GNA13: variants seen among roughly 807,000 people sequenced by gnomAD.
The protein encoded by GNA13 is guanine nucleotide-binding protein subunit alpha-13.
Under a neutral mutation model 33.5 loss-of-function variants are expected in GNA13, and 4 were observed. The observed-to-expected ratio is 0.12, with a 90% CI of 0.06 to 0.27. The LOEUF is 0.27. Among genes scored for constraint, GNA13 ranks in the 10% least tolerant of loss-of-function variants. The pLI, the probability that GNA13 is intolerant of heterozygous loss-of-function variation, is 1.00. For missense variants in GNA13, 319 were observed against 487.2 expected (o/e 0.65, Z 3.25); for synonymous variants, 176 against 183.8 (o/e 0.96, Z 0.34).
At chr17:65,043,899 A>G (rs905545976) in intron 2 of GNA13, among the ~76,000 whole-genome samples, 1 of 152,138 alleles carries the variant, frequency 6.6e-6, no homozygotes, top group African/African-American at 2.4e-5. Flanking sequence ...AGATGGGAGA[A>G]TCATTTGAGG....
intron 2 of GNA13, among the ~76,000 whole-genome samples, chr17:65,042,989 A>G (rs1206714158): frequency 1.3e-5 from 2 of 152,162 alleles, no homozygotes; most frequent in African/African-American, 4.8e-5. Context: ...TGGTTAATAC[A>G]AGTCAGGTAC....
Position 65,056,330 on chromosome 17 carries a change from G to C in GNA13, c.264C>G (p.Ile88Met), listed in dbSNP as rs1184024197. The change falls in exon 1 of 4, where the codon ATC becomes ATG. Residue 88 changes from isoleucine to methionine, a missense_variant. Transcript: ENST00000439174. ...QRAREEFRPT[I>M]YSNVIKGMRV... is the part of the protein sequence containing the mutation. Reference sequence around the variant, plus strand: ...CGGCACCTTTGATCACGTTGCTGTAGATGGTGGGGCGGAACTCCTCGCGCG... The same window carrying C: ...CGGCACCTTTGATCACGTTGCTGTACATGGTGGGGCGGAACTCCTCGCGCG... 6.2e-7 allele frequency: 1 copy of C among 1,607,346 alleles called. No individual in the cohort carries two copies. Among genetic ancestry groups the C allele is most frequent in the East Asian group, 2.2e-5 (1 of 44,654 alleles).
intron 3 of GNA13, 134 bp downstream of exon 3, chr17:65,018,119 A>AC (rs1906442465): frequency 5.1e-6 from 1 of 195,488 alleles, no homozygotes; most frequent in African/African-American, 3.1e-5. Context: ...AAAAAAAAAA[A>AC]AAAAAAAAAA....
chr17:65,044,148 T>C lies in GNA13; in HGVS notation c.510+9354A>G, dbSNP rs141443847. On this transcript the variant is annotated intron_variant, in intron 2 of 3. Transcript: ENST00000439174. ...CTCAAAAAGTAAAAAAAAGAAAAAA[T>C]ACTTTCAGTTCATTTTGCCAAAGGA... is the stretch of plus-strand genomic sequence containing the variant. 2.0e-5 allele frequency among the ~76,000 whole-genome samples: 3 copies of C among 152,192 alleles called. No individual in the cohort carries two copies. In the East Asian group the frequency reaches 5.8e-4, roughly 29 times the overall value.
At chr17:65,037,778 G>GTAAAAAA (rs1491396786) in intron 2 of GNA13, among the ~76,000 whole-genome samples, 2 of 99,160 alleles carry the variant, frequency 2.0e-5, no homozygotes, top group African/African-American at 3.9e-5. Flanking sequence ...TACAAAAATG[G>GTAAAAAA]AAAAAAAAAA....
chr17:65,041,312 GGA>G (rs1310727308), intron 2 of GNA13, among the ~76,000 whole-genome samples: 1 of 152,034 alleles, frequency 6.6e-6, no homozygotes, highest in Non-Finnish European at 1.5e-5. Flanking sequence ...TGTTTTTTGG[GGA>G]GAGTGAGGTG....
chr17:65,023,827 G>A (rs978804490), intron 2 of GNA13, among the ~76,000 whole-genome samples: 2 of 152,100 alleles, frequency 1.3e-5, no homozygotes, highest in African/African-American at 4.8e-5. Context: ...ATTTAACTAC[G>A]CAAATGAAGA....
chr17:65,019,740 G>A (rs1906516431), intron 2 of GNA13, among the ~76,000 whole-genome samples: 1 of 152,152 alleles, frequency 6.6e-6, no homozygotes, highest in Non-Finnish European at 1.5e-5. Context: ...TAAAGTGAAT[G>A]AATATGGACC....
chr17:65,018,128 A>AGAGAGAGAG, intron 3 of GNA13, 125 bp downstream of exon 3: 1 of 223,826 alleles, frequency 4.5e-6, no homozygotes, highest in Non-Finnish European at 8.8e-6. Context: ...AAAAAAAAAA[A>AGAGAGAGAG]AAAAAAAAAA....
chr17:65,012,655 C>T lies in GNA13; in HGVS notation c.*1602G>A, dbSNP rs912800116. Reference sequence around the variant, plus strand: ...TTAGTTCACTGAAAAGCCCCACTCTCGTATCAGACAGCAAGACAGAACAAC... The same window carrying T: ...TTAGTTCACTGAAAAGCCCCACTCTTGTATCAGACAGCAAGACAGAACAAC... On this transcript the variant is annotated 3_prime_UTR_variant, in exon 4 of 4. Transcript: ENST00000439174. 1.3e-5 allele frequency: 3 copies of T among 229,840 alleles called. No individual in the cohort carries two copies. The highest frequency in any genetic ancestry group is 2.2e-5 in the African/African-American group (1 of 44,952). 14.2% of individuals were successfully genotyped at this position (229,840 alleles called of 1,614,324 possible).
intron 3 of GNA13, among the ~76,000 whole-genome samples, chr17:65,017,975 A>G (rs1906431146): frequency 6.6e-6 from 1 of 151,962 alleles, no homozygotes; most frequent in Admixed American, 6.6e-5. Context: ...AGGGAGAAAA[A>G]AGAAGTGTCG....
chr17:65,019,032 T>C (rs984618427), intron 2 of GNA13, among the ~76,000 whole-genome samples: 2 of 152,164 alleles, frequency 1.3e-5, no homozygotes, highest in East Asian at 1.9e-4. Flanking sequence ...CCTCACCCCC[T>C]GCGTTTCACT....
intron 2 of GNA13, among the ~76,000 whole-genome samples, chr17:65,018,560 T>G (rs920676163): frequency 6.6e-5 from 10 of 152,202 alleles, no homozygotes; most frequent in African/African-American, 2.4e-4. Context: ...TGGACAGGAT[T>G]ACACGCATGC....
intron 2 of GNA13, among the ~76,000 whole-genome samples, chr17:65,034,012 C>CAAAAAA (rs780895691): frequency 0.019 from 955 of 50,040 alleles, 156 homozygotes; most frequent in Non-Finnish European, 0.024. Context: ...GACTCCGTCT[C>CAAAAAA]AAAAAAAAAA....
At chr17:65,017,029 G>A (rs1906393481) in intron 3 of GNA13, among the ~76,000 whole-genome samples, 1 of 151,910 alleles carries the variant, frequency 6.6e-6, no homozygotes, top group Non-Finnish European at 1.5e-5. Context: ...AAATTCTCAT[G>A]CACATTTTTT....
chr17:65,051,452 C>A (rs1907855171), intron 2 of GNA13, among the ~76,000 whole-genome samples: 1 of 152,122 alleles, frequency 6.6e-6, no homozygotes. Context: ...ACTGTCTCTA[C>A]TAAAAATACA....
intron 2 of GNA13, among the ~76,000 whole-genome samples, chr17:65,042,374 AG>A (rs1308476956): frequency 6.0e-5 from 9 of 148,932 alleles, no homozygotes; most frequent in African/African-American, 2.3e-4. Flanking sequence ...AAAAAAAAAA[AG>A]AAGAACCACA....
intron 2 of GNA13, among the ~76,000 whole-genome samples, chr17:65,021,409 CA>C (rs1220800672): frequency 6.6e-6 from 1 of 152,166 alleles, no homozygotes; most frequent in African/African-American, 2.4e-5. Context: ...CTTGTAAAGA[CA>C]AAATGGGTCT....
rs752007053 is a variant in GNA13, at chr17:65,011,005, T to G, written c.*3252A>C. On this transcript the variant is annotated 3_prime_UTR_variant, in exon 4 of 4. Transcript: ENST00000439174. Reference sequence around the variant, plus strand: ...ACATGGTAACTTTATTCTTCATATATAAATAAGGCATAATCGGATGTGTAT... The same window carrying G: ...ACATGGTAACTTTATTCTTCATATAGAAATAAGGCATAATCGGATGTGTAT... 1.0e-5 allele frequency: 2 copies of G among 197,208 alleles called. No homozygotes were observed. The highest frequency in any genetic ancestry group is 2.1e-5 in the Non-Finnish European group (2 of 95,152). The allele number at this position is 197,208 out of a possible 1,614,324, so 12.2% of individuals were successfully genotyped here. A position where few individuals can be genotyped will look rare whatever the true frequency, so the allele number is the denominator to read the frequency against.
Sources: allele counts gnomAD v4.1 joint callset (sites outside exome capture counted in the v4.1 genomes callset), GRCh38; gene constraint gnomAD v4.1.1; transcripts MANE v1.5; gene names NCBI Gene and HGNC (gene_info 2026-07-23, HGNC 2026-07-21).